The following SMAD2 variants were observed in gnomAD, a reference collection of about 807,000 sequenced individuals.
SMAD2 encodes SMAD family member 2, also known as MAD homolog 2.
SMAD2 carries 8 observed loss-of-function variants against 64.4 expected under a neutral mutation model. That is an observed-to-expected ratio of 0.12 (90% CI 0.07 to 0.22). The LOEUF (loss-of-function observed/expected upper bound fraction) is 0.22. Among genes scored for constraint, SMAD2 ranks in the 10% least tolerant of loss-of-function variants. The pLI, the probability that SMAD2 is intolerant of heterozygous loss-of-function variation, is 1.00. For missense variants in SMAD2, 289 were observed against 561.2 expected, an observed-to-expected ratio of 0.51 and a Z score of 4.90; for synonymous variants, 203 against 195.8, an observed-to-expected ratio of 1.04 and a Z score of -0.31.
In SMAD2 at chr18:47,828,685, A is replaced by T. The variant is rs1431868025; in HGVS notation, c.*13142T>A. 6.3e-6 allele frequency: 1 copy of T among 159,258 alleles called. No individual in the cohort carries two copies. Among genetic ancestry groups the T allele is most frequent in the African/African-American group, 2.4e-5 (1 of 41,400 alleles). The allele number at this position is 159,258 out of a possible 1,614,324, so 9.9% of individuals were successfully genotyped here. A position where few individuals can be genotyped will look rare whatever the true frequency, so the allele number is the denominator to read the frequency against. On this transcript the variant is annotated 3_prime_UTR_variant, in exon 11 of 11. Coordinates refer to ENST00000262160, the MANE Select transcript of SMAD2 (RefSeq NM_005901.6). ...GCTGTGTCCACTCAGGGTTAAATGG[A>T]TTAAGGGCGGTGCAAGATGTGCTTT...
Position 47,836,920 on chromosome 18 carries a change from A to G in SMAD2, c.*4907T>C, listed in dbSNP as rs1423259558. On this transcript the variant is annotated 3_prime_UTR_variant, in exon 11 of 11. Coordinates refer to ENST00000262160, the MANE Select transcript of SMAD2 (RefSeq NM_005901.6). Reference sequence around the variant, plus strand: ...AAAAATTGAAAAGGAAGATATAAAAAGAACTCAATAGCAGGATTCTGACTA... The same window carrying G: ...AAAAATTGAAAAGGAAGATATAAAAGGAACTCAATAGCAGGATTCTGACTA... 4.7e-6 allele frequency: 1 copy of G among 210,840 alleles called. No homozygotes were observed. Among genetic ancestry groups the G allele is most frequent in the African/African-American group, 2.3e-5 (1 of 44,094 alleles). The allele number at this position is 210,840 out of a possible 1,614,324, so 13.1% of individuals were successfully genotyped here. A position where few individuals can be genotyped will look rare whatever the true frequency, so the allele number is the denominator to read the frequency against.
Position 47,829,241 on chromosome 18 carries a change from A to G in SMAD2, c.*12586T>C, listed in dbSNP as rs887474612. 1 of 152,198 alleles carries G rather than the reference A, an allele frequency of 6.6e-6. No homozygotes were observed. Among genetic ancestry groups the G allele is most frequent in the Non-Finnish European group, 1.5e-5 (1 of 68,036 alleles). The allele number at this position is 152,198 out of a possible 1,614,324, so 9.4% of individuals were successfully genotyped here. On this transcript the variant is annotated 3_prime_UTR_variant, in exon 11 of 11. Coordinates refer to ENST00000262160, the MANE Select transcript of SMAD2 (RefSeq NM_005901.6). ...AAATAGAATACAACAAAGCTCCCTT[A>G]CCCAATCCCAACAAACAACCATCAA...
At chr18:47,870,633 G>T in intron 2 of SMAD2, 69 bp from the exon 3 acceptor site, 2 of 966,306 alleles carry the variant, frequency 2.1e-6, no homozygotes, top group Non-Finnish European at 3.4e-6. Context: ...ATACCATGAT[G>T]TAAAACATGG....
Position 47,811,824 on chromosome 18 carries a change from T to C in SMAD2, c.*30003A>G, listed in dbSNP as rs1912215856. 1 of 152,228 alleles carries C rather than the reference T, an allele frequency of 6.6e-6. No individual in the cohort carries two copies. Among genetic ancestry groups the C allele is most frequent in the Non-Finnish European group, 1.5e-5 (1 of 68,046 alleles). The allele number at this position is 152,228 out of a possible 1,614,324, so 9.4% of individuals were successfully genotyped here. ...AGAGAATCAACCAACCTAGATCTTCTGAGCACCTGTCAGTCGATCAAGAAG... is the reference window on the plus strand; with the variant it reads ...AGAGAATCAACCAACCTAGATCTTCCGAGCACCTGTCAGTCGATCAAGAAG... On this transcript the variant is annotated 3_prime_UTR_variant, in exon 11 of 11. Coordinates refer to ENST00000262160, the MANE Select transcript of SMAD2 (RefSeq NM_005901.6).
rs868290389 is a variant in SMAD2 at position 47,850,349 on chromosome 18, T to C, written c.784+925A>G. Among the ~76,000 whole-genome samples, 130 of 41,720 alleles carry C rather than the reference T, an allele frequency of 3.1e-3. 23 individuals carry two copies. The highest frequency in any genetic ancestry group is 0.014 in the African/African-American group (125 of 8,814). The allele number at this position is 41,720 out of a possible 152,430, so 27.4% of individuals were successfully genotyped here. ...TATGTATAATATATGTTATATATAT[T>C]ATACATAATATGTATAATATATATT... is the stretch of plus-strand genomic sequence containing the variant. On this transcript the variant is annotated intron_variant, in intron 7 of 10. Transcript: ENST00000262160.
intron 1 of SMAD2, among the ~76,000 whole-genome samples, chr18:47,928,502 T>C (rs1392877836): frequency 6.6e-6 from 1 of 152,232 alleles, no homozygotes; most frequent in Admixed American, 6.5e-5. Context: ...CCTTTGTTCC[T>C]ACTAAAGTTC....
At chr18:47,853,820 G>C (rs1384989010) in intron 6 of SMAD2, among the ~76,000 whole-genome samples, 1 of 151,916 alleles carries the variant, frequency 6.6e-6, no homozygotes, top group African/African-American at 2.4e-5. Flanking sequence ...ACTAAGATAG[G>C]TCAAAACATA....
In SMAD2 at chr18:47,896,731, G is replaced by T; in HGVS notation, c.26C>A (p.Pro9Gln). Residue 9 changes from proline (P) to glutamine (Q), a missense_variant, in exon 2 of 11, where the codon CCG becomes CAG. Pro to Gln is a moderately conservative substitution (Grantham distance 76). Transcript: ENST00000262160. Reference sequence around the variant, plus strand: ...TCCCAGCAGTCTCTTCACAACTGGCGGCGTGAATGGCAAGATGGACGACAT... The same window carrying T: ...TCCCAGCAGTCTCTTCACAACTGGCTGCGTGAATGGCAAGATGGACGACAT... Reference protein sequence around the residue: MSSILPFTPPVVKRLLGWK... With the variant: MSSILPFTQPVVKRLLGWK... 2 of 1,613,962 alleles carry T rather than the reference G, an allele frequency of 1.2e-6. No individual in the cohort carries two copies. Among genetic ancestry groups the T allele is most frequent in the Admixed American group, 3.3e-5 (2 of 59,958 alleles).
At chr18:47,903,189 T>C (rs1286604827) in intron 1 of SMAD2, among the ~76,000 whole-genome samples, 2 of 151,994 alleles carry the variant, frequency 1.3e-5, no homozygotes, top group African/African-American at 2.4e-5. Context: ...AGGGCTGCGG[T>C]AGGACAGGAA....
chr18:47,880,311 T>C (rs775941744), intron 2 of SMAD2, among the ~76,000 whole-genome samples: 9 of 152,228 alleles, frequency 5.9e-5, no homozygotes, highest in Non-Finnish European at 1.0e-4. Flanking sequence ...AAATATTTTG[T>C]TTTCACTGGT....
intron 1 of SMAD2, among the ~76,000 whole-genome samples, chr18:47,927,301 T>C (rs1598910626): frequency 8.4e-6 from 1 of 119,066 alleles, no homozygotes; most frequent in Admixed American, 8.7e-5. Context: ...ATACACAGAT[T>C]GTTCCCAGTG....
intron 6 of SMAD2, among the ~76,000 whole-genome samples, chr18:47,856,900 C>A (rs1598778659): frequency 1.4e-5 from 2 of 148,006 alleles, no homozygotes; most frequent in Admixed American, 1.3e-4. Context: ...CTCTGTCGCC[C>A]AGGCTGGAGT....
intron 1 of SMAD2, among the ~76,000 whole-genome samples, chr18:47,910,484 G>C (rs2034085380): frequency 1.3e-5 from 2 of 152,156 alleles, no homozygotes; most frequent in African/African-American, 4.8e-5. Context: ...GGTGTAAGGA[G>C]GACTGGTACC....
intron 2 of SMAD2, among the ~76,000 whole-genome samples, chr18:47,884,957 CA>C (rs1395859413): frequency 6.6e-6 from 1 of 152,108 alleles, no homozygotes; most frequent in African/African-American, 2.4e-5. Context: ...CTCCCACACA[CA>C]AAATAGTCTC....
rs1260675571 is a variant in SMAD2 at position 47,873,214 on chromosome 18, C to G, written c.237-2650G>C. On this transcript the variant is annotated intron_variant, in intron 2 of 10. Coordinates refer to ENST00000262160, the MANE Select transcript of SMAD2 (RefSeq NM_005901.6). ...GAGTGGGAAATCCTAGAACCAATCC[C>G]CCTTAGATAGTGAGAGTTGTATAAG... Among the ~76,000 whole-genome samples the G allele has an allele frequency of 2.0e-5, 3 of 152,080 alleles. No homozygotes were observed. In the East Asian group the frequency reaches 5.8e-4, roughly 29 times the overall value.
chr18:47,849,066 G>A (rs1207552367), intron 7 of SMAD2, among the ~76,000 whole-genome samples: 1 of 152,120 alleles, frequency 6.6e-6, no homozygotes, highest in Non-Finnish European at 1.5e-5. Context: ...AAGCTAAAGT[G>A]GGGTAAGATA....
intron 1 of SMAD2, among the ~76,000 whole-genome samples, chr18:47,915,952 A>G (rs118058442): frequency 2.8e-3 from 425 of 152,162 alleles, no homozygotes; most frequent in Non-Finnish European, 5.0e-3. Context: ...TCTTGTATTC[A>G]TTTCCTAAGA....
At chr18:47,881,263 ATTTG>A (rs1436183119) in intron 2 of SMAD2, among the ~76,000 whole-genome samples, 4 of 152,122 alleles carry the variant, frequency 2.6e-5, no homozygotes, top group Non-Finnish European at 5.9e-5. Flanking sequence ...CTCCCTCTTC[ATTTG>A]TTTAACTTCT....
rs1410405905 is a variant in SMAD2 at position 47,820,837 on chromosome 18, T to C, written c.*20990A>G. The C allele has an allele frequency of 1.3e-5, 2 of 151,524 alleles. No homozygotes were observed. The highest frequency in any genetic ancestry group is 1.9e-4 in the East Asian group (1 of 5,188). The allele number at this position is 151,524 out of a possible 1,614,324, so 9.4% of individuals were successfully genotyped here. Reference sequence around the variant, plus strand: ...GTATATGTACAATAATACAGTATATTCTATACATATGCTATATATTTGTAT... The same window carrying C: ...GTATATGTACAATAATACAGTATATCCTATACATATGCTATATATTTGTAT... On this transcript the variant is annotated 3_prime_UTR_variant, in exon 11 of 11. Coordinates refer to ENST00000262160, the MANE Select transcript of SMAD2 (RefSeq NM_005901.6).
Sources: allele counts gnomAD v4.1 joint callset (sites outside exome capture counted in the v4.1 genomes callset), GRCh38; gene constraint gnomAD v4.1.1; transcripts MANE v1.5; gene names NCBI Gene and HGNC (gene_info 2026-07-23, HGNC 2026-07-21).